The following LAMP2 variants were observed in gnomAD, a reference collection of about 807,000 sequenced individuals.
LAMP2 encodes the protein lysosome associated membrane protein 2.
A neutral mutation model predicts 25.6 loss-of-function variants in LAMP2; 4 were observed. The observed-to-expected ratio is 0.16, with a 90% CI of 0.08 to 0.36. The LOEUF (loss-of-function observed/expected upper bound fraction) is 0.36, where lower values mean the gene tolerates loss of function less well. Among genes scored for constraint, LAMP2 ranks in the 10% least tolerant of loss-of-function variants. The probability of loss-of-function intolerance (pLI) is 1.00; values close to 1 mark genes in which losing one functional copy is unlikely to be tolerated. For missense variants in LAMP2, 272 were observed against 301.4 expected (o/e 0.90, Z 0.72); for synonymous variants, 108 against 112.7 (o/e 0.96, Z 0.27).
Position 120,448,007 on chromosome X carries a change from T to C in LAMP2, c.575A>G (p.Asp192Gly). ...GGTGGGTGCCACTGTTGAAGTTTTG[T>C]CTTTATCACACAGGAACTCTAAAAC... ...VSTNEFLCDK[D>G]KTSTVAPTIH... Residue 192 changes from aspartate (D) to glycine (G), a missense_variant, in exon 5 of 9, where the codon GAC becomes GGC. Transcript: ENST00000200639. 1 of 1,210,164 alleles carries C rather than the reference T, an allele frequency of 8.3e-7. No individual in the cohort carries two copies. Among genetic ancestry groups the C allele is most frequent in the Non-Finnish European group, 1.1e-6 (1 of 894,305 alleles).
intron 3 of LAMP2, among the ~76,000 whole-genome samples, chrX:120,452,360 G>A (rs1309491658): frequency 9.1e-6 from 1 of 110,482 alleles, no homozygotes; most frequent in Non-Finnish European, 1.9e-5. Context: ...CCCCCTGCTG[G>A]AAACATCCTG....
rs766259260 is a variant in LAMP2 at position 120,426,704 on chromosome X, T to A, written c.*4619A>T. Among the ~76,000 whole-genome samples, 1 of 112,133 alleles carries A rather than the reference T, an allele frequency of 8.9e-6. No individual in the cohort carries two copies. The highest frequency in any genetic ancestry group is 1.9e-5 in the Non-Finnish European group (1 of 53,174). ...TGATTTTATTAATCTGGCTTCTAGA[T>A]AATCATCTCAAAAATATGTATTGAA... On this transcript the variant is annotated 3_prime_UTR_variant, in exon 9 of 9. Transcript: ENST00000200639.
rs1395157565 is a variant in LAMP2, at chrX:120,448,027, T to A, written c.557-2A>T. On this transcript the variant is annotated splice_acceptor_variant, in intron 4 of 8. Coordinates refer to ENST00000200639, the MANE Select transcript of LAMP2 (RefSeq NM_002294.3). LOFTEE classifies it high-confidence loss of function. The stretch of plus-strand genomic sequence containing the variant: ...TTTTGTCTTTATCACACAGGAACTC[T>A]AAAACAAGCGAAAAGGGACAAAAGA... 8.3e-7 allele frequency: 1 copy of A among 1,208,633 alleles called. No individual in the cohort carries two copies. The highest frequency in any genetic ancestry group is 1.1e-6 in the Non-Finnish European group (1 of 892,939).
chrX:120,463,146 G>A (rs1477456129), intron 1 of LAMP2, among the ~76,000 whole-genome samples: 1 of 111,376 alleles, frequency 9.0e-6, no homozygotes, highest in Non-Finnish European at 1.9e-5. Context: ...TCAGAGTGAT[G>A]GTTTTCCTAC....
intron 1 of LAMP2, among the ~76,000 whole-genome samples, chrX:120,459,095 C>T (rs1921217866): frequency 8.9e-6 from 1 of 112,059 alleles, no homozygotes; most frequent in African/African-American, 3.2e-5. Flanking sequence ...CCAGAGCACA[C>T]CCTTTAATCC....
intron 8 of LAMP2, chrX:120,438,692 TCACACACACACACA>T (rs67522937): frequency 4.9e-5 from 32 of 659,336 alleles, no homozygotes; most frequent in African/African-American, 8.9e-5. Flanking sequence ...CAAACAAAAA[TCACACACACACACA>T]CACACACACA....
rs2058604008 is a variant in LAMP2, at chrX:120,447,823, A to AAAGATAGACACCTATACCTTAT, written c.737_741+17dup. Reference sequence around the variant, plus strand: ...TGAAATGCAAAAAGGATGTATTGATAAAGATAGACACCTATACCTTATCCT... The same window carrying AAAGATAGACACCTATACCTTAT: ...TGAAATGCAAAAAGGATGTATTGATAAAGATAGACACCTATACCTTATAAGATAGACACCTATACCTTATCCT... On this transcript the variant is annotated intron_variant, in intron 5 of 8. Transcript: ENST00000200639. 8.4e-7 allele frequency: 1 copy of AAAGATAGACACCTATACCTTAT among 1,188,770 alleles called. No homozygotes were observed. Among genetic ancestry groups the AAAGATAGACACCTATACCTTAT allele is most frequent in the African/African-American group, 1.8e-5 (1 of 56,982 alleles).
At position 120,431,419 on chromosome X, in the gene LAMP2, T is replaced by C. The variant is rs730880126; in HGVS notation, c.1137A>G (p.Ile379Met). ...SADDDNFLVP[I>M]AVGAALAGVL... ...CTCCTGCCAAGGCAGCTCCCACCGC[T>C]ATGGGCACAAGGAAGTTGTCGTCAT... The change falls in exon 9 of 9, where the codon ATA becomes ATG. Residue 379 changes from isoleucine (I) to methionine (M), a missense_variant. Ile to Met is a conservative substitution (Grantham distance 10, BLOSUM62 1). Transcript: ENST00000200639. 2.4e-5 allele frequency: 29 copies of C among 1,209,755 alleles called. No individual in the cohort carries two copies. Among genetic ancestry groups the C allele is most frequent in the South Asian group, 1.2e-4 (7 of 56,857 alleles).
rs373841690 is a variant in LAMP2, at chrX:120,428,450, T to C, written c.*2873A>G. On this transcript the variant is annotated 3_prime_UTR_variant, in exon 9 of 9. Coordinates refer to ENST00000200639, the MANE Select transcript of LAMP2 (RefSeq NM_002294.3). ...TAGCCAATGGAAACGTAACTTCTAA[T>C]TGAAAAAAACAAACAAACACTAGAT... 16 of 1,148,376 alleles carry C rather than the reference T, an allele frequency of 1.4e-5. No homozygotes were observed. The highest frequency in any genetic ancestry group is 7.4e-5 in the African/African-American group (4 of 53,884). The allele number at this position is 1,148,376 out of a possible 1,213,427, so 94.6% of individuals were successfully genotyped here. A position where few individuals can be genotyped will look rare whatever the true frequency, so the allele number is the denominator to read the frequency against.
chrX:120,447,763 C>T, intron 5 of LAMP2, 78 bp downstream of exon 5: 1 of 896,989 alleles, frequency 1.1e-6, no homozygotes. Context: ...GTAACACTAC[C>T]TTTGGGCTGA....
In LAMP2 at chrX:120,439,198, C is replaced by T. The variant is rs730880488; in HGVS notation, c.1093+2532G>A. On this transcript the variant is annotated intron_variant, in intron 8 of 8. Transcript: ENST00000200639. ...GCATAACTTTTTCTTCTGCCAATTA[C>T]GTAAGCAATCACTATAACGATAATC... The T allele has an allele frequency of 4.6e-5, 56 of 1,206,685 alleles. 1 individual carries two copies. The highest frequency in any genetic ancestry group is 1.6e-4 in the African/African-American group (9 of 57,087).
At position 120,429,896 on chromosome X, in the gene LAMP2, G is replaced by C. The variant is rs2058515759; in HGVS notation, c.*1427C>G. Reference sequence around the variant, plus strand: ...GTTATCTGGTGTGATTTATGATTAAGCAATAACTTGTACTTTTCTTCTAAT... The same window carrying C: ...GTTATCTGGTGTGATTTATGATTAACCAATAACTTGTACTTTTCTTCTAAT... On this transcript the variant is annotated 3_prime_UTR_variant, in exon 9 of 9. Coordinates refer to ENST00000200639, the MANE Select transcript of LAMP2 (RefSeq NM_002294.3). 1.3e-6 allele frequency: 1 copy of C among 749,800 alleles called. No homozygotes were observed. The highest frequency in any genetic ancestry group is 2.3e-5 in the African/African-American group (1 of 43,262). The allele number at this position is 749,800 out of a possible 1,213,427, so 61.8% of individuals were successfully genotyped here. A position where few individuals can be genotyped will look rare whatever the true frequency, so the allele number is the denominator to read the frequency against.
chrX:120,459,167 C>G (rs1921221757), intron 1 of LAMP2, among the ~76,000 whole-genome samples: 1 of 111,953 alleles, frequency 8.9e-6, no homozygotes, highest in South Asian at 3.7e-4. Context: ...CCCTGGGCTT[C>G]TATTGTTCCT....
At chrX:120,449,228 T>C (rs2058611213) in intron 3 of LAMP2, 100 bp from the exon 4 acceptor site, 2 of 647,877 alleles carry the variant, frequency 3.1e-6, no homozygotes, top group Non-Finnish European at 4.8e-6. Flanking sequence ...CTGCCTGCCC[T>C]ACCCCAGGCA....
intron 1 of LAMP2, among the ~76,000 whole-genome samples, chrX:120,467,950 A>G (rs1223283199): frequency 1.8e-5 from 2 of 109,697 alleles, no homozygotes; most frequent in Non-Finnish European, 3.8e-5. Flanking sequence ...TTTAGTAGAG[A>G]CGGGGTTTCA....
chrX:120,431,453 C>T lies in LAMP2; in HGVS notation c.1103G>A (p.Cys368Tyr). The T allele has an allele frequency of 8.3e-7, 1 of 1,206,763 alleles. No homozygotes were observed. The highest frequency in any genetic ancestry group is 1.1e-6 in the Non-Finnish European group (1 of 890,933). The change falls in exon 9 of 9, where the codon TGC (cysteine) becomes TAC (tyrosine). Residue 368 changes from cysteine (C) to tyrosine (Y), a missense_variant. Physicochemically the swap from Cys to Tyr is radical, Grantham distance 194. Transcript: ENST00000200639. ...TQGKYSTAQDCSADDDNFLVP... is the reference protein window; with the variant it reads ...TQGKYSTAQDYSADDDNFLVP... The stretch of plus-strand genomic sequence containing the variant: ...AAGGAAGTTGTCGTCATCTGCACTG[C>T]AGTCTTGAGCTAGATGTGGAGAAAG...
At position 120,441,824 on chromosome X, in the gene LAMP2, T is replaced by G. The variant is rs1341268966; in HGVS notation, c.999A>C (p.Lys333Asn). 6.6e-6 allele frequency: 8 copies of G among 1,206,572 alleles called. No individual in the cohort carries two copies. In the African/African-American group the frequency reaches 8.7e-5, roughly 13 times the overall value. ...CTCCAGACACTGAAACAGTCTGCTC[T>G]TTGTTGCACATATAAGAACTTCCCA... Reference protein sequence around the residue: ...APLGSSYMCNKEQTVSVSGAF... With the variant: ...APLGSSYMCNNEQTVSVSGAF... Residue 333 changes from lysine (K) to asparagine (N), a missense_variant, in exon 8 of 9, where the codon AAA becomes AAC. Physicochemically the swap from Lys to Asn is moderately conservative, Grantham distance 94. Coordinates refer to ENST00000200639, the MANE Select transcript of LAMP2 (RefSeq NM_002294.3).
chrX:120,439,356 C>A, intron 8 of LAMP2: 1 of 1,054,462 alleles, frequency 9.5e-7, no homozygotes, highest in South Asian at 1.9e-5. Flanking sequence ...GTCTCGAAGT[C>A]AAAGATGTTG....
intron 6 of LAMP2, among the ~76,000 whole-genome samples, chrX:120,445,355 G>A (rs55634067): frequency 3.9e-4 from 44 of 112,026 alleles, no homozygotes; most frequent in African/African-American, 1.3e-3. Flanking sequence ...TCAATTACTC[G>A]GCATATATTC....
Sources: allele counts gnomAD v4.1 joint callset (sites outside exome capture counted in the v4.1 genomes callset), GRCh38; gene constraint gnomAD v4.1.1; transcripts MANE v1.5; gene names NCBI Gene and HGNC (gene_info 2026-07-23, HGNC 2026-07-21).